C19orf44: variants seen among roughly 807,000 people sequenced by gnomAD.
C19orf44 encodes uncharacterized protein C19orf44.
In C19orf44, 43 loss-of-function variants were observed where a neutral mutation model predicts 50.7. That is an observed-to-expected ratio of 0.85 (90% confidence interval 0.66 to 1.09). The LOEUF is 1.09. Among genes scored for constraint, C19orf44 ranks in the 50% least tolerant of loss-of-function variants. The probability of loss-of-function intolerance (pLI) is 0.00; values close to 1 mark genes in which losing one functional copy is unlikely to be tolerated. For synonymous variants in C19orf44, 298 were observed against 334.7 expected (o/e 0.89, Z 1.20); for missense variants, 722 against 836.2 (o/e 0.86, Z 1.68).
intron 5 of C19orf44, among the ~76,000 whole-genome samples, chr19:16,512,480 C>G (rs1330740522): frequency 6.6e-6 from 1 of 152,076 alleles, no homozygotes; most frequent in Non-Finnish European, 1.5e-5. Flanking sequence ...GCCGGAGCCA[C>G]CGCTGCACCC....
intron 8 of C19orf44, chr19:16,517,911 T>C (rs2085559704): frequency 6.6e-6 from 1 of 152,294 alleles, no homozygotes; most frequent in Non-Finnish European, 1.5e-5. Flanking sequence ...AAAAAGGCTT[T>C]ATTTGAAGGC....
chr19:16,519,715 A>C lies in C19orf44; in HGVS notation c.*41-379A>C. 6.2e-7 allele frequency: 1 copy of C among 1,611,716 alleles called. No homozygotes were observed. Among genetic ancestry groups the C allele is most frequent in the Non-Finnish European group, 8.5e-7 (1 of 1,177,932 alleles). ...AATTAGAACCCAGACCAGCAGAGGA[A>C]CTAAAATCGAGACAGGTTATTCTTT... is the stretch of plus-strand genomic sequence containing the variant. On this transcript the variant is annotated intron_variant, in intron 8 of 8. Coordinates refer to ENST00000221671, the MANE Select transcript of C19orf44 (RefSeq NM_032207.4). This position sits in a 1 kb window ranked among gnomAD's most constrained non-coding sequence, Gnocchi z 6.0.
chr19:16,511,603 T>C (rs2093457455), intron 5 of C19orf44, among the ~76,000 whole-genome samples: 1 of 151,844 alleles, frequency 6.6e-6, no homozygotes, highest in Non-Finnish European at 1.5e-5. Flanking sequence ...TTTTATGAGA[T>C]GGGGTCTCGC....
intron 7 of C19orf44, among the ~76,000 whole-genome samples, chr19:16,516,929 C>T (rs1326347459): frequency 6.6e-6 from 1 of 152,204 alleles, no homozygotes; most frequent in Non-Finnish European, 1.5e-5. Flanking sequence ...TGGCTGCAGC[C>T]CACCATAGCT....
At chr19:16,506,664 G>T in intron 3 of C19orf44, 37 bp from the exon 4 acceptor site, 1 of 1,344,426 alleles carries the variant, frequency 7.4e-7, no homozygotes, top group African/African-American at 1.5e-5. Flanking sequence ...AAATAAGAGA[G>T]TAAATGTAAA....
Position 16,514,644 on chromosome 19 carries a change from C to T in C19orf44, c.1883C>T (p.Thr628Ile), listed in dbSNP as rs1182768711. The T allele has an allele frequency of 1.9e-6, 3 of 1,579,884 alleles. No homozygotes were observed. The highest frequency in any genetic ancestry group is 3.7e-5 in the Admixed American group (2 of 54,182). ...SLDADSFHYHTLEEAKEYIRC... is the reference protein window; with the variant it reads ...SLDADSFHYHILEEAKEYIRC... ...GACGCGGACTCCTTCCACTACCACA[C>T]CCTGGAGGAAGCCAAAGAGGTGAGC... The change falls in exon 7 of 9, where the codon ACC becomes ATC. Residue 628 changes from threonine to isoleucine, a missense_variant. Coordinates refer to ENST00000221671, the MANE Select transcript of C19orf44 (RefSeq NM_032207.4).
chr19:16,520,597 G>C lies in C19orf44; in HGVS notation c.*544G>C. ...CTCAGGTTCCTAGACCACCCCAGATGCAGGGGCTCTGGCTGTGGATGTGGC... is the reference window on the plus strand; with the variant it reads ...CTCAGGTTCCTAGACCACCCCAGATCCAGGGGCTCTGGCTGTGGATGTGGC... On this transcript the variant is annotated 3_prime_UTR_variant, in exon 9 of 9. Coordinates refer to ENST00000221671, the MANE Select transcript of C19orf44 (RefSeq NM_032207.4). This position sits in a 1 kb window ranked among gnomAD's most constrained non-coding sequence, Gnocchi z 4.0. 1 of 1,430,478 alleles carries C rather than the reference G, an allele frequency of 7.0e-7. No individual in the cohort carries two copies. The highest frequency in any genetic ancestry group is 9.6e-7 in the Non-Finnish European group (1 of 1,042,150). The allele number at this position is 1,430,478 out of a possible 1,614,324, so 88.6% of individuals were successfully genotyped here. A position where few individuals can be genotyped will look rare whatever the true frequency, so the allele number is the denominator to read the frequency against.
chr19:16,514,408 A>T, intron 6 of C19orf44, 89 bp from the exon 7 acceptor site: 7 of 1,278,764 alleles, frequency 5.5e-6, no homozygotes, highest in Non-Finnish European at 6.4e-6. Flanking sequence ...AAGATTTCAG[A>T]GAGCAGCCTG....
At chr19:16,502,986 C>CAAAAAAA in intron 2 of C19orf44, 79 bp from the exon 3 acceptor site, 1 of 1,182,200 alleles carries the variant, frequency 8.5e-7, no homozygotes. Context: ...GACCCTTTCT[C>CAAAAAAA]AAAAAAAAAA....
chr19:16,516,207 G>A (rs927222583), intron 7 of C19orf44, among the ~76,000 whole-genome samples: 1 of 152,166 alleles, frequency 6.6e-6, no homozygotes, highest in Non-Finnish European at 1.5e-5. Context: ...AGCTGAGGCA[G>A]GGTGGGTCGC....
chr19:16,514,450 T>A, intron 6 of C19orf44, 47 bp from the exon 7 acceptor site: 1 of 1,510,408 alleles, frequency 6.6e-7, no homozygotes, highest in Non-Finnish European at 8.9e-7. Flanking sequence ...GGCTGCAGAA[T>A]TTGTGGGGCC....
Position 16,506,734 on chromosome 19 carries a change from T to C in C19orf44, c.1109T>C (p.Leu370Pro). 1 of 1,606,630 alleles carries C rather than the reference T, an allele frequency of 6.2e-7. No homozygotes were observed. The highest frequency in any genetic ancestry group is 8.5e-7 in the Non-Finnish European group (1 of 1,176,364). Reference sequence around the variant, plus strand: ...ATAAATATTTTATCGCTTGACGGTCTGGCTCCAGCTGTCAGTGAGAACTCC... The same window carrying C: ...ATAAATATTTTATCGCTTGACGGTCCGGCTCCAGCTGTCAGTGAGAACTCC... Reference protein sequence around the residue: ...FRINILSLDGLAPAVSENSDL... With the variant: ...FRINILSLDGPAPAVSENSDL... Residue 370 changes from leucine to proline, a missense_variant, in exon 4 of 9, where the codon CTG (leucine) becomes CCG (proline). Coordinates refer to ENST00000221671, the MANE Select transcript of C19orf44 (RefSeq NM_032207.4).
chr19:16,502,529 G>A (rs572298378), intron 2 of C19orf44, among the ~76,000 whole-genome samples: 26 of 152,148 alleles, frequency 1.7e-4, no homozygotes, highest in East Asian at 1.5e-3. Flanking sequence ...GAGCCACCAC[G>A]CCCAGCCTTG....
chr19:16,505,010 G>A (rs949077395), intron 3 of C19orf44, among the ~76,000 whole-genome samples: 1 of 151,724 alleles, frequency 6.6e-6, no homozygotes, highest in African/African-American at 2.4e-5. Flanking sequence ...ATAGAGACAG[G>A]GTTTCACCAT....
At chr19:16,497,827 T>C (rs992344709) in intron 1 of C19orf44, among the ~76,000 whole-genome samples, 1 of 152,122 alleles carries the variant, frequency 6.6e-6, no homozygotes, top group Admixed American at 6.6e-5. Flanking sequence ...GTAATAAATA[T>C]TATGGGGCCA....
At chr19:16,512,014 CAA>C (rs1203102155) in intron 5 of C19orf44, among the ~76,000 whole-genome samples, 3 of 47,412 alleles carry the variant, frequency 6.3e-5, no homozygotes, top group South Asian at 7.4e-4. Flanking sequence ...GACTCTGTCT[CAA>C]AAAAAAAAAA....
rs1436932533 is a variant in C19orf44 at position 16,517,354 on chromosome 19, G to A, written c.*40+13G>A. 5.2e-6 allele frequency: 8 copies of A among 1,533,304 alleles called. No homozygotes were observed. The highest frequency in any genetic ancestry group is 1.4e-5 in the African/African-American group (1 of 73,160). The allele number at this position is 1,533,304 out of a possible 1,614,324, so 95.0% of individuals were successfully genotyped here. A position where few individuals can be genotyped will look rare whatever the true frequency, so the allele number is the denominator to read the frequency against. On this transcript the variant is annotated intron_variant, in intron 8 of 8. Transcript: ENST00000221671. ...GTCTTAACAAAAGGTATCCCGTCCTGTGTACTCAGTGCACACACACGCACA... is the reference window on the plus strand; with the variant it reads ...GTCTTAACAAAAGGTATCCCGTCCTATGTACTCAGTGCACACACACGCACA...
At chr19:16,511,726 G>A (rs936153901) in intron 5 of C19orf44, among the ~76,000 whole-genome samples, 2 of 151,986 alleles carry the variant, frequency 1.3e-5, no homozygotes, top group African/African-American at 2.4e-5. Context: ...GACTAGAGGC[G>A]CCTGGCTAAT....
intron 6 of C19orf44, among the ~76,000 whole-genome samples, chr19:16,514,194 A>G (rs948748506): frequency 1.0e-4 from 15 of 149,922 alleles, no homozygotes; most frequent in East Asian, 5.9e-4. Context: ...GGGTTTCACT[A>G]TGTTGGCCAG....
Sources: gnomAD v4.1 joint callset for allele counts (sites outside exome capture counted in the v4.1 genomes callset) on GRCh38, gnomAD v4.1.1 for gene constraint, Gnocchi (gnomAD v3.1) non-coding constraint, MANE v1.5 for transcripts, NCBI Gene and HGNC (gene_info 2026-07-23, HGNC 2026-07-21) for gene names.